PARD3: variants seen among roughly 807,000 people sequenced by gnomAD.
The protein encoded by PARD3 is par-3 family cell polarity regulator.
A neutral mutation model predicts 155.4 loss-of-function variants in PARD3; 75 were observed. The observed-to-expected ratio is 0.48, with a 90% CI of 0.40 to 0.58. The LOEUF (loss-of-function observed/expected upper bound fraction) is 0.58, where lower values mean the gene tolerates loss of function less well. Ranked by LOEUF, PARD3 falls within the 20% of genes least tolerant of loss-of-function variation. The probability of loss-of-function intolerance (pLI) is 0.00; values close to 1 mark genes in which losing one functional copy is unlikely to be tolerated. For synonymous variants in PARD3, 576 were observed against 610.5 expected (o/e 0.94, Z 0.83); for missense variants, 1,642 against 1,721.7 (o/e 0.95, Z 0.82).
intron 3 of PARD3, among the ~76,000 whole-genome samples, chr10:34,508,726 C>T (rs954628895): frequency 2.0e-5 from 3 of 152,138 alleles, no homozygotes; most frequent in Middle Eastern, 6.3e-3. Flanking sequence ...TGTAAAAGTT[C>T]CACTCCATCT....
intron 5 of PARD3, among the ~76,000 whole-genome samples, chr10:34,440,937 CAA>C (rs148147140): frequency 0.034 from 5,198 of 152,000 alleles, 251 homozygotes; most frequent in African/African-American, 0.11. Context: ...CCGCCAAAAA[CAA>C]AAGAGAATAT....
intron 22 of PARD3, among the ~76,000 whole-genome samples, chr10:34,226,426 G>A (rs951400058): frequency 3.9e-5 from 6 of 152,208 alleles, no homozygotes; most frequent in Non-Finnish European, 8.8e-5. Context: ...GGCACATGCC[G>A]GTAATCCCAG....
chr10:34,581,160 T>C (rs960223485), intron 2 of PARD3, among the ~76,000 whole-genome samples: 1 of 152,034 alleles, frequency 6.6e-6, no homozygotes, highest in African/African-American at 2.4e-5. Context: ...TCTTTAAATA[T>C]AAATTAATAT....
chr10:34,811,632 A>G (rs11009954), intron 1 of PARD3, among the ~76,000 whole-genome samples: 53,370 of 151,776 alleles, frequency 0.35, 11,657 homozygotes, highest in Non-Finnish European at 0.49. Flanking sequence ...TAATGCTACC[A>G]CCTCCTGTTA....
intron 15 of PARD3, chr10:34,346,194 A>G (rs1191993650): frequency 2.7e-6 from 3 of 1,124,666 alleles, no homozygotes; most frequent in Non-Finnish European, 3.3e-6. Context: ...AATGTCAACT[A>G]TAATGCAAAC....
chr10:34,284,100 T>G (rs1347860193), intron 21 of PARD3, 35 bp downstream of exon 21: 3 of 1,183,916 alleles, frequency 2.5e-6, no homozygotes, highest in African/African-American at 3.1e-5. Context: ...AAGAACCTCT[T>G]TCTAAGGAGG....
At chr10:34,130,725 G>A (rs2132768228) in intron 23 of PARD3, among the ~76,000 whole-genome samples, 1 of 152,266 alleles carries the variant, frequency 6.6e-6, no homozygotes, top group South Asian at 2.1e-4. Flanking sequence ...GAATAAGATG[G>A]ATTCAACAAA....
chr10:34,360,013 C>G, intron 13 of PARD3, 58 bp downstream of exon 13: 4 of 1,312,874 alleles, frequency 3.0e-6, no homozygotes, highest in Non-Finnish European at 4.3e-6. Flanking sequence ...AAAATAGGAA[C>G]AGGGTTGAAA....
intron 2 of PARD3, among the ~76,000 whole-genome samples, chr10:34,679,795 G>T (rs151076078): frequency 6.6e-6 from 1 of 152,220 alleles, no homozygotes; most frequent in East Asian, 1.9e-4. Context: ...GTCTGTGCAG[G>T]AACAGGGATG....
At chr10:34,203,262 A>G (rs973151340) in intron 22 of PARD3, among the ~76,000 whole-genome samples, 3 of 152,236 alleles carry the variant, frequency 2.0e-5, no homozygotes, top group African/African-American at 7.2e-5. Context: ...CCACTGAAGA[A>G]TGAAGGCAAA....
chr10:34,175,753 G>C (rs771327736), intron 22 of PARD3, among the ~76,000 whole-genome samples: 4 of 152,014 alleles, frequency 2.6e-5, no homozygotes, highest in Non-Finnish European at 5.9e-5. Context: ...TATAGGAAAG[G>C]GAGTTTAAAA....
intron 2 of PARD3, among the ~76,000 whole-genome samples, chr10:34,524,359 G>A (rs564459267): frequency 8.9e-4 from 136 of 152,132 alleles, no homozygotes; most frequent in Non-Finnish European, 1.5e-3. Context: ...GCCTAATAGA[G>A]ATATTCCACT....
At chr10:34,770,522 T>C (rs1368782626) in intron 1 of PARD3, among the ~76,000 whole-genome samples, 1 of 152,100 alleles carries the variant, frequency 6.6e-6, no homozygotes, top group African/African-American at 2.4e-5. Flanking sequence ...GAACTGTAAG[T>C]GAAAGGGAGC....
intron 2 of PARD3, among the ~76,000 whole-genome samples, chr10:34,543,976 T>C (rs2083846097): frequency 6.6e-6 from 1 of 152,204 alleles, no homozygotes; most frequent in Non-Finnish European, 1.5e-5. Context: ...TGAAGCTTAA[T>C]TCTCACAGAT....
intron 2 of PARD3, among the ~76,000 whole-genome samples, chr10:34,636,928 C>T (rs1006203225): frequency 6.6e-6 from 1 of 152,198 alleles, no homozygotes; most frequent in African/African-American, 2.4e-5. Flanking sequence ...CAAATGCCTA[C>T]CGAGTCTTAT....
chr10:34,306,493 T>A (rs888196190), intron 20 of PARD3, among the ~76,000 whole-genome samples: 1 of 151,572 alleles, frequency 6.6e-6, no homozygotes, highest in Non-Finnish European at 1.5e-5. Context: ...CTACTAAAAT[T>A]ACAAAATTAG....
At chr10:34,482,655 A>C (rs1421152277) in intron 3 of PARD3, among the ~76,000 whole-genome samples, 1 of 152,170 alleles carries the variant, frequency 6.6e-6, no homozygotes, top group Non-Finnish European at 1.5e-5. Context: ...AGAGACTTTC[A>C]CTGAGAGAAT....
At position 34,758,608 on chromosome 10, in the gene PARD3, T is replaced by C. The variant is rs189931325; in HGVS notation, c.120+56268A>G. Among the ~76,000 whole-genome samples the C allele has an allele frequency of 6.6e-5, 10 of 152,350 alleles. No homozygotes were observed. The East Asian group carries it at 1.2e-3, about 18-fold the overall frequency. On this transcript the variant is annotated intron_variant, in intron 1 of 24. Coordinates refer to ENST00000374788, the MANE Select transcript of PARD3 (RefSeq NM_001184785.2). ...ACCTCATGATGAGTCATTTTCTAGT[T>C]GGGGCACTCAAGCACTAAGGCCCTT...
At chr10:34,417,029 G>A (rs1845740346) in intron 5 of PARD3, among the ~76,000 whole-genome samples, 1 of 152,110 alleles carries the variant, frequency 6.6e-6, no homozygotes, top group Admixed American at 6.5e-5. Context: ...AGATCCTGTG[G>A]TCCCACCCAG....
Sources: gnomAD v4.1 joint callset for allele counts (sites outside exome capture counted in the v4.1 genomes callset) on GRCh38, gnomAD v4.1.1 for gene constraint, MANE v1.5 for transcripts, NCBI Gene and HGNC (gene_info 2026-07-23, HGNC 2026-07-21) for gene names.